COL4A1: variants seen among roughly 807,000 people sequenced by gnomAD.
The protein encoded by COL4A1 is collagen alpha-1(IV) chain.
Under a neutral mutation model 216.6 loss-of-function variants are expected in COL4A1, and 40 were observed. That is an observed-to-expected ratio of 0.18 (90% confidence interval 0.14 to 0.24). The LOEUF is 0.24. Among genes scored for constraint, COL4A1 ranks in the 10% least tolerant of loss-of-function variants. COL4A1 has a pLI of 1.00. For synonymous variants in COL4A1, 839 were observed against 810.7 expected, an observed-to-expected ratio of 1.03 and a Z score of -0.59; for missense variants, 1,628 against 2,196.8, an observed-to-expected ratio of 0.74 and a Z score of 5.18.
chr13:110,162,465 G>T, intron 47 of COL4A1, 23 bp from the exon 48 acceptor site: 2 of 1,563,712 alleles, frequency 1.3e-6, no homozygotes, highest in South Asian at 1.1e-5. Flanking sequence ...AGACAAATTA[G>T]TTTCCCTAAT....
chr13:110,294,455 T>C (rs1360944204), intron 1 of COL4A1, among the ~76,000 whole-genome samples: 1 of 152,242 alleles, frequency 6.6e-6, no homozygotes, highest in African/African-American at 2.4e-5. Flanking sequence ...TTTCCACATC[T>C]GATGGTTTCA....
intron 1 of COL4A1, chr13:110,298,845 G>A (rs892232663): frequency 1.3e-5 from 2 of 152,316 alleles, no homozygotes; most frequent in African/African-American, 4.8e-5. Context: ...GCAAAACTCA[G>A]ACTGAAAGCA....
chr13:110,252,607 TTA>T (rs1882165878), intron 1 of COL4A1, among the ~76,000 whole-genome samples: 4 of 34,748 alleles, frequency 1.2e-4, no homozygotes, highest in South Asian at 1.0e-3. Flanking sequence ...TATATATGTA[TTA>T]TATATGTATA....
chr13:110,300,525 G>A (rs1884452231), intron 1 of COL4A1, among the ~76,000 whole-genome samples: 1 of 152,222 alleles, frequency 6.6e-6, no homozygotes, highest in African/African-American at 2.4e-5. Flanking sequence ...GGAATAGTGT[G>A]CCTCCAGATC....
chr13:110,296,633 A>G (rs1252329046), intron 1 of COL4A1, among the ~76,000 whole-genome samples: 1 of 152,222 alleles, frequency 6.6e-6, no homozygotes, highest in Non-Finnish European at 1.5e-5. Context: ...GAGACCAGCT[A>G]GGCTTCCTTT....
chr13:110,219,089 G>A (rs991842700), intron 2 of COL4A1, among the ~76,000 whole-genome samples: 4 of 152,082 alleles, frequency 2.6e-5, no homozygotes, highest in Non-Finnish European at 2.9e-5. Context: ...TGGGTGCCGC[G>A]GGGTCATGGA....
chr13:110,192,203 G>C lies in COL4A1; in HGVS notation c.1536+11C>G, dbSNP rs1449883781. ...TCTGATATGTACATGAACTCAGACA[G>C]GTTTACTTACTGGCACTCCTGCAAC... On this transcript the variant is annotated intron_variant, in intron 24 of 51. Transcript: ENST00000375820. 1 of 1,613,884 alleles carries C rather than the reference G, an allele frequency of 6.2e-7. No individual in the cohort carries two copies.
chr13:110,258,893 C>G (rs1282542643), intron 1 of COL4A1, among the ~76,000 whole-genome samples: 2 of 152,188 alleles, frequency 1.3e-5, no homozygotes, highest in African/African-American at 4.8e-5. Context: ...CATTTCATAG[C>G]ATTAAAAGTG....
chr13:110,163,652 G>A, intron 46 of COL4A1, 91 bp from the exon 47 acceptor site: 1 of 1,248,242 alleles, frequency 8.0e-7, no homozygotes, highest in Admixed American at 2.0e-5. Context: ...AGTGTTCAAG[G>A]AGCCAAGCAT....
At position 110,176,386 on chromosome 13, in the gene COL4A1, C is replaced by T. The variant is rs760037517; in HGVS notation, c.3058+38G>A. On this transcript the variant is annotated intron_variant, in intron 36 of 51. Coordinates refer to ENST00000375820, the MANE Select transcript of COL4A1 (RefSeq NM_001845.6). ...AGACATGCCCTACCAGTATCACACG[C>T]ACACATGCTAAAGAATCCTCTTCTA... 15 of 1,371,448 alleles carry T rather than the reference C, an allele frequency of 1.1e-5. No homozygotes were observed. The South Asian group carries it at 1.3e-4, about 12-fold the overall frequency. The allele number at this position is 1,371,448 out of a possible 1,614,324, so 85.0% of individuals were successfully genotyped here.
intron 21 of COL4A1, among the ~76,000 whole-genome samples, chr13:110,197,511 T>A (rs1418430243): frequency 6.6e-6 from 1 of 152,080 alleles, no homozygotes; most frequent in East Asian, 1.9e-4. Flanking sequence ...AGGACTGCAA[T>A]ATTTTATCTT....
chr13:110,203,125 A>C (rs1340584420), intron 18 of COL4A1, among the ~76,000 whole-genome samples: 1 of 152,164 alleles, frequency 6.6e-6, no homozygotes, highest in Non-Finnish European at 1.5e-5. Flanking sequence ...AGATGGGAGA[A>C]TCACTTGAAC....
rs1376094894 is a variant in COL4A1 at position 110,179,415 on chromosome 13, G to T, written c.2200C>A (p.Pro734Thr). 1 of 1,614,050 alleles carries T rather than the reference G, an allele frequency of 6.2e-7. No individual in the cohort carries two copies. The change falls in exon 30 of 52, where the codon CCT becomes ACT. Residue 734 changes from proline (P) to threonine (T), a missense_variant. By Grantham distance (38) the Pro-to-Thr change is conservative. Coordinates refer to ENST00000375820, the MANE Select transcript of COL4A1 (RefSeq NM_001845.6). The part of the protein sequence containing the change: ...NPGVQGQKGE[P>T]GVGLPGLKGL... ...TTGAGTCCCGGTAGACCAACTCCAG[G>T]CTCTCCCTGAAAATCCCCAAAGCAC... is the stretch of plus-strand genomic sequence containing the variant.
chr13:110,193,178 GTTC>G (rs1409197043), intron 22 of COL4A1, among the ~76,000 whole-genome samples: 2 of 152,218 alleles, frequency 1.3e-5, no homozygotes, highest in African/African-American at 4.8e-5. Flanking sequence ...AAAGATCCAA[GTTC>G]TTCTCCCAGC....
chr13:110,272,978 C>T (rs1883299882), intron 1 of COL4A1, among the ~76,000 whole-genome samples: 1 of 152,230 alleles, frequency 6.6e-6, no homozygotes, highest in Non-Finnish European at 1.5e-5. Flanking sequence ...GGAACGTTCT[C>T]CTCCACCTTC....
intron 1 of COL4A1, among the ~76,000 whole-genome samples, chr13:110,286,261 G>T (rs2139305849): frequency 6.6e-6 from 1 of 152,312 alleles, no homozygotes; most frequent in Non-Finnish European, 1.5e-5. Context: ...GGGAAATGGG[G>T]GCTTGGGATC....
intron 18 of COL4A1, 114 bp downstream of exon 18, chr13:110,203,452 G>T: frequency 8.7e-7 from 1 of 1,148,590 alleles, no homozygotes; most frequent in East Asian, 2.3e-5. Flanking sequence ...CTCTCCCAGC[G>T]CTCTCACAGA....
rs781377043 is a variant in COL4A1, at chr13:110,161,254, A to C, written c.4578T>G (p.Pro1526=). ...RNDYSYWLST[P]EPMPMSMAPI... The stretch of plus-strand genomic sequence containing the variant: ...GTGCCATTGACATGGGCATGGGCTC[A>C]GGGGTGGACAGCCAGTACGAGTAGT... Residue 1526 remains proline, a synonymous_variant, in exon 49 of 52, where the codon CCT becomes CCG. Transcript: ENST00000375820. 6.2e-7 allele frequency: 1 copy of C among 1,614,202 alleles called. No individual in the cohort carries two copies. Among genetic ancestry groups the C allele is most frequent in the Non-Finnish European group, 8.5e-7 (1 of 1,180,030 alleles).
intron 44 of COL4A1, among the ~76,000 whole-genome samples, chr13:110,166,548 TAGAC>T (rs1484332846): frequency 7.9e-5 from 12 of 152,304 alleles, no homozygotes; most frequent in East Asian, 3.9e-4. Flanking sequence ...TATGCACACA[TAGAC>T]AGTGAACAAA....
Sources: gnomAD v4.1 joint callset for allele counts (sites outside exome capture counted in the v4.1 genomes callset) on GRCh38, gnomAD v4.1.1 for gene constraint, MANE v1.5 for transcripts, NCBI Gene and HGNC (gene_info 2026-07-23, HGNC 2026-07-21) for gene names.